Variants in CRPPA observed in about 807,000 individuals in gnomAD.
CRPPA encodes CDP-L-ribitol pyrophosphorylase A, also known as D-ribitol-5-phosphate cytidylyltransferase.
In CRPPA, 43 loss-of-function variants were observed where a neutral mutation model predicts 52.0. That is an observed-to-expected ratio of 0.83 (90% CI 0.65 to 1.07). CRPPA has a LOEUF of 1.07. Ranked by LOEUF, CRPPA falls within the 50% of genes least tolerant of loss-of-function variation. The pLI, the probability that CRPPA is intolerant of heterozygous loss-of-function variation, is 0.00. For synonymous variants in CRPPA, 250 were observed against 203.5 expected, an observed-to-expected ratio of 1.23 and a Z score of -1.94; for missense variants, 629 against 551.7, an observed-to-expected ratio of 1.14 and a Z score of -1.40.
intron 8 of CRPPA, among the ~76,000 whole-genome samples, chr7:16,254,836 A>C (rs998942777): frequency 6.7e-6 from 1 of 149,966 alleles, no homozygotes; most frequent in African/African-American, 2.5e-5. Context: ...AAAGAAAGAA[A>C]GAAAGAAAGA....
intron 3 of CRPPA, among the ~76,000 whole-genome samples, chr7:16,353,033 A>G (rs547899394): frequency 6.6e-6 from 1 of 152,272 alleles, no homozygotes; most frequent in Admixed American, 6.5e-5. Flanking sequence ...ACAGAGACAA[A>G]TGCTGTATGA....
Position 16,216,123 on chromosome 7 carries a change from T to A in CRPPA, c.1194A>T (p.Ala398=), listed in dbSNP as rs769147263. ...AAATATTTCTTTCTTTTACTTCCTTTGCAAATTCTCTAATCTGCATTAGGT... is the reference window on the plus strand; with the variant it reads ...AAATATTTCTTTCTTTTACTTCCTTAGCAAATTCTCTAATCTGCATTAGGT... ...MENLMQIREF[A]KEVKERNILL... Residue 398 remains alanine (A), a synonymous_variant, in exon 9 of 10, where the codon GCA becomes GCT. Transcript: ENST00000407010. The A allele has an allele frequency of 1.6e-5, 25 of 1,600,388 alleles. No homozygotes were observed. Among genetic ancestry groups the A allele is most frequent in the Non-Finnish European group, 1.8e-5 (21 of 1,170,046 alleles).
intron 9 of CRPPA, among the ~76,000 whole-genome samples, chr7:16,195,694 C>A (rs768680716): frequency 6.6e-6 from 1 of 152,176 alleles, no homozygotes; most frequent in Non-Finnish European, 1.5e-5. Context: ...CATATGACTT[C>A]TTCTCAAGGA....
chr7:16,387,082 T>TAC (rs1562671686), intron 2 of CRPPA, among the ~76,000 whole-genome samples: 1 of 35,042 alleles, frequency 2.9e-5, no homozygotes, highest in Non-Finnish European at 5.7e-5. Flanking sequence ...TATATATATA[T>TAC]ATATACACAC....
At chr7:16,236,950 G>GCACACA (rs67679435) in intron 8 of CRPPA, among the ~76,000 whole-genome samples, 9,721 of 149,638 alleles carry the variant, frequency 0.065, 617 homozygotes, top group East Asian at 0.33. Context: ...TCGTGCGCGC[G>GCACACA]CACACACACA....
At chr7:16,403,068 G>A (rs368240003) in intron 2 of CRPPA, among the ~76,000 whole-genome samples, 1 of 152,098 alleles carries the variant, frequency 6.6e-6, no homozygotes, top group African/African-American at 2.4e-5. Flanking sequence ...CAATTAGGTT[G>A]GTTAGACTTC....
chr7:16,400,304 CAT>C (rs1234239473), intron 2 of CRPPA, among the ~76,000 whole-genome samples: 3 of 152,194 alleles, frequency 2.0e-5, no homozygotes, highest in African/African-American at 7.2e-5. Context: ...AGACACGGAA[CAT>C]GATTGACACT....
At chr7:16,171,342 C>G (rs1051619250) in intron 9 of CRPPA, among the ~76,000 whole-genome samples, 1 of 152,114 alleles carries the variant, frequency 6.6e-6, no homozygotes, top group Non-Finnish European at 1.5e-5. Context: ...TTTAATACTA[C>G]TTCTCTTTCT....
intron 5 of CRPPA, among the ~76,000 whole-genome samples, chr7:16,278,673 T>C (rs570004222): frequency 1.3e-4 from 20 of 152,332 alleles, no homozygotes; most frequent in African/African-American, 1.4e-4. Context: ...TTAAGTACAT[T>C]GTGTTCCTTG....
intron 9 of CRPPA, among the ~76,000 whole-genome samples, chr7:16,126,284 T>G (rs1037392968): frequency 6.6e-6 from 1 of 152,132 alleles, no homozygotes; most frequent in South Asian, 2.1e-4. Flanking sequence ...GTGGGCACTT[T>G]GTCCAGAGAA....
chr7:16,393,305 T>C (rs538342647), intron 2 of CRPPA, among the ~76,000 whole-genome samples: 1 of 152,152 alleles, frequency 6.6e-6, no homozygotes, highest in South Asian at 2.1e-4. Flanking sequence ...TGAAGTATAC[T>C]TAAGAACAGC....
intron 1 of CRPPA, among the ~76,000 whole-genome samples, chr7:16,418,848 C>T (rs1788256888): frequency 6.6e-6 from 1 of 151,990 alleles, no homozygotes; most frequent in African/African-American, 2.4e-5. Context: ...TTTTAGTGTC[C>T]GCCTATCTTA....
In CRPPA at chr7:16,278,174, T is replaced by C. The variant is rs367735300; in HGVS notation, c.888A>G (p.Lys296=). The C allele has an allele frequency of 8.2e-6, 13 of 1,581,200 alleles. No individual in the cohort carries two copies. The highest frequency in any genetic ancestry group is 1.0e-5 in the Non-Finnish European group (12 of 1,156,476). Residue 296 remains lysine (K), a synonymous_variant, in exon 6 of 10, where the codon AAA becomes AAG. Transcript: ENST00000407010. The part of the protein sequence containing the change: ...CVVMDTEEDN[K]HVGHLLEEVL... ...CTTCTTCAAGAAGATGACCTACATGTTTGTTATCTTCTTCTGTATCCATAA... is the reference window on the plus strand; with the variant it reads ...CTTCTTCAAGAAGATGACCTACATGCTTGTTATCTTCTTCTGTATCCATAA...
At chr7:16,192,305 T>C (rs1473119662) in intron 9 of CRPPA, among the ~76,000 whole-genome samples, 2 of 152,188 alleles carry the variant, frequency 1.3e-5, no homozygotes, top group African/African-American at 4.8e-5. Flanking sequence ...TGGAGAACCC[T>C]GAGTGATATG....
At position 16,091,511 on chromosome 7, in the gene CRPPA, A is replaced by C. The variant is rs2128361001; in HGVS notation, c.*184T>G. 2.1e-6 allele frequency: 1 copy of C among 481,226 alleles called. No homozygotes were observed. The highest frequency in any genetic ancestry group is 3.2e-5 in the South Asian group (1 of 31,544). The allele number at this position is 481,226 out of a possible 1,614,324, so 29.8% of individuals were successfully genotyped here. ...GCAATTAATATTTGTCATACACAAA[A>C]GTATTCTTTATTTCACAGATATAAA... is the stretch of plus-strand genomic sequence containing the variant. On this transcript the variant is annotated 3_prime_UTR_variant, in exon 10 of 10. Transcript: ENST00000407010.
At chr7:16,192,320 G>T (rs1781632351) in intron 9 of CRPPA, among the ~76,000 whole-genome samples, 1 of 151,998 alleles carries the variant, frequency 6.6e-6, no homozygotes, top group Non-Finnish European at 1.5e-5. Context: ...GATATGTAAG[G>T]TTCTGAGGCA....
At chr7:16,236,617 T>C (rs1782957101) in intron 8 of CRPPA, among the ~76,000 whole-genome samples, 1 of 152,120 alleles carries the variant, frequency 6.6e-6, no homozygotes, top group South Asian at 2.1e-4. Flanking sequence ...GTAATCTATT[T>C]TTAGGTGGCT....
At chr7:16,328,261 G>A (rs1785462874) in intron 3 of CRPPA, among the ~76,000 whole-genome samples, 1 of 151,840 alleles carries the variant, frequency 6.6e-6, no homozygotes, top group African/African-American at 2.4e-5. Context: ...CGAGAATCTT[G>A]CCTTTGTGCC....
chr7:16,218,339 G>T (rs1464956362), intron 8 of CRPPA, among the ~76,000 whole-genome samples: 8 of 132,002 alleles, frequency 6.1e-5, no homozygotes, highest in African/African-American at 1.7e-4. Context: ...GCAAAATCAT[G>T]CCAAAATGTA....
Sources: allele counts gnomAD v4.1 joint callset (sites outside exome capture counted in the v4.1 genomes callset), GRCh38; gene constraint gnomAD v4.1.1; transcripts MANE v1.5; gene names NCBI Gene and HGNC (gene_info 2026-07-23, HGNC 2026-07-21).